RASAL2: variants seen among roughly 807,000 people sequenced by gnomAD.
RASAL2 encodes RAS protein activator like 2.
Under a neutral mutation model 128.9 loss-of-function variants are expected in RASAL2, and 58 were observed. The ratio of observed to expected loss-of-function variants is 0.45; its 90% CI spans 0.36 to 0.56. The LOEUF is 0.56. Ranked by LOEUF, RASAL2 falls within the 20% of genes least tolerant of loss-of-function variation. RASAL2 has a pLI of 0.00. For missense variants in RASAL2, 1,360 were observed against 1,601.6 expected, an observed-to-expected ratio of 0.85 and a Z score of 2.57; for synonymous variants, 561 against 580.8, an observed-to-expected ratio of 0.97 and a Z score of 0.49.
At chr1:178,419,591 G>T (rs1675008352) in intron 4 of RASAL2, among the ~76,000 whole-genome samples, 1 of 152,256 alleles carries the variant, frequency 6.6e-6, no homozygotes, top group Admixed American at 6.5e-5. Context: ...GTCTGACTGA[G>T]AAATTTTAAT....
At chr1:178,402,655 A>C (rs575207571) in intron 4 of RASAL2, among the ~76,000 whole-genome samples, 1 of 152,122 alleles carries the variant, frequency 6.6e-6, no homozygotes, top group Non-Finnish European at 1.5e-5. Flanking sequence ...GAGTAATTAC[A>C]TTGTTTCACA....
At chr1:178,352,733 G>A (rs1670585332) in intron 3 of RASAL2, among the ~76,000 whole-genome samples, 1 of 152,214 alleles carries the variant, frequency 6.6e-6, no homozygotes, top group Non-Finnish European at 1.5e-5. Context: ...GCTTCTGTCT[G>A]GACATCCAGG....
At chr1:178,149,238 A>G (rs111790815) in intron 1 of RASAL2, among the ~76,000 whole-genome samples, 1 of 152,226 alleles carries the variant, frequency 6.6e-6, no homozygotes, top group African/African-American at 2.4e-5. Context: ...ATGTTCTTAG[A>G]TTTTTGTGTG....
At position 178,452,660 on chromosome 1, in the gene RASAL2, A is replaced by C; in HGVS notation, c.2009+8A>C. Reference sequence around the variant, plus strand: ...CCTGGCCAACTTTGCCAAGTAGGTGATACTGTTGTAACCACTTTAAAAACA... The same window carrying C: ...CCTGGCCAACTTTGCCAAGTAGGTGCTACTGTTGTAACCACTTTAAAAACA... On this transcript the variant is annotated splice_region_variant and intron_variant, in intron 11 of 17. Coordinates refer to ENST00000367649, the MANE Select transcript of RASAL2 (RefSeq NM_170692.4). 1.9e-6 allele frequency: 3 copies of C among 1,594,548 alleles called. No individual in the cohort carries two copies. The highest frequency in any genetic ancestry group is 2.6e-6 in the Non-Finnish European group (3 of 1,162,240).
intron 3 of RASAL2, among the ~76,000 whole-genome samples, chr1:178,357,745 A>G (rs1670886324): frequency 6.6e-6 from 1 of 152,164 alleles, no homozygotes. Context: ...AACTTTATAT[A>G]AAGAGCATGT....
intron 5 of RASAL2, among the ~76,000 whole-genome samples, chr1:178,435,998 C>T (rs1188433865): frequency 3.9e-5 from 6 of 152,008 alleles, no homozygotes; most frequent in Admixed American, 1.3e-4. Context: ...AACTCTGGTG[C>T]CAAACAGGGC....
intron 3 of RASAL2, among the ~76,000 whole-genome samples, chr1:178,313,008 C>T (rs904965208): frequency 1.3e-5 from 2 of 152,068 alleles, no homozygotes; most frequent in Non-Finnish European, 2.9e-5. Context: ...AAGTAACTTG[C>T]CTAAATAGCT....
At chr1:178,223,225 G>A (rs1663671268) in intron 1 of RASAL2, among the ~76,000 whole-genome samples, 1 of 152,096 alleles carries the variant, frequency 6.6e-6, no homozygotes, top group African/African-American at 2.4e-5. Flanking sequence ...TAGCCTAGTG[G>A]GTAAAACAGG....
intron 1 of RASAL2, among the ~76,000 whole-genome samples, chr1:178,113,527 TG>T (rs1659415823): frequency 7.2e-6 from 1 of 137,956 alleles, no homozygotes; most frequent in Non-Finnish European, 1.7e-5. Context: ...TGTGTGTGTG[TG>T]TGTGTGTGTG....
intron 3 of RASAL2, among the ~76,000 whole-genome samples, chr1:178,346,761 T>G (rs1316096641): frequency 2.0e-5 from 3 of 152,224 alleles, no homozygotes; most frequent in Non-Finnish European, 4.4e-5. Flanking sequence ...TAGACCATTT[T>G]TATTAACCAA....
At chr1:178,259,101 G>A (rs1665527286) in intron 1 of RASAL2, among the ~76,000 whole-genome samples, 1 of 146,844 alleles carries the variant, frequency 6.8e-6, no homozygotes, top group Admixed American at 6.8e-5. Context: ...GTGGATGGAT[G>A]TGTAAAGGGC....
chr1:178,466,190 C>G (rs1647669611), intron 16 of RASAL2, 68 bp downstream of exon 16: 1 of 1,439,012 alleles, frequency 6.9e-7, no homozygotes. Context: ...ATCCACAGAA[C>G]CCTGAAGGAA....
At chr1:178,283,427 G>T in intron 1 of RASAL2, 137 bp from the exon 2 acceptor site, 1 of 1,090,996 alleles carries the variant, frequency 9.2e-7, no homozygotes. Flanking sequence ...TTCTTAAGAG[G>T]AAGCTTTAAA....
chr1:178,334,612 G>A (rs568111420), intron 3 of RASAL2, among the ~76,000 whole-genome samples: 1 of 152,136 alleles, frequency 6.6e-6, no homozygotes, highest in South Asian at 2.1e-4. Flanking sequence ...CAGAGTGCTG[G>A]GATTACAGGC....
At chr1:178,166,990 G>T (rs1661539464) in intron 1 of RASAL2, among the ~76,000 whole-genome samples, 1 of 152,066 alleles carries the variant, frequency 6.6e-6, no homozygotes, top group Non-Finnish European at 1.5e-5. Flanking sequence ...GATTTTCACA[G>T]AGTTTTATTA....
At chr1:178,408,548 G>C (rs1457814414) in intron 4 of RASAL2, among the ~76,000 whole-genome samples, 3 of 151,660 alleles carry the variant, frequency 2.0e-5, no homozygotes, top group African/African-American at 7.3e-5. Flanking sequence ...TAAGTCAAAT[G>C]CCACAATAGT....
chr1:178,305,187 T>C (rs913534342), intron 3 of RASAL2, among the ~76,000 whole-genome samples: 3 of 152,270 alleles, frequency 2.0e-5, no homozygotes, highest in Non-Finnish European at 4.4e-5. Flanking sequence ...TGTTCATGGG[T>C]TGGAAGAATC....
chr1:178,231,374 T>G (rs1035301699), intron 1 of RASAL2, among the ~76,000 whole-genome samples: 9 of 152,350 alleles, frequency 5.9e-5, no homozygotes, highest in Non-Finnish European at 8.8e-5. Context: ...TACTGACTTT[T>G]TAAAAAATTG....
At chr1:178,386,378 G>A (rs1672566474) in intron 3 of RASAL2, among the ~76,000 whole-genome samples, 2 of 152,168 alleles carry the variant, frequency 1.3e-5, no homozygotes, top group African/African-American at 2.4e-5. Flanking sequence ...AAATGGCGAA[G>A]ACCAGGACAG....
Sources: gnomAD v4.1 joint callset for allele counts (sites outside exome capture counted in the v4.1 genomes callset) on GRCh38, gnomAD v4.1.1 for gene constraint, MANE v1.5 for transcripts, NCBI Gene and HGNC (gene_info 2026-07-23, HGNC 2026-07-21) for gene names.